Variants in PABPC4L observed in about 807,000 individuals in gnomAD.
PABPC4L encodes the protein polyadenylate-binding protein 4-like.
For synonymous variants in PABPC4L, 169 were observed against 164.1 expected (o/e 1.03, Z -0.23); for missense variants, 452 against 451.4 (o/e 1.00, Z -0.01).
the PABPC4L span, among the ~76,000 whole-genome samples, chr4:134,043,396 A>T: frequency 6.6e-6 from 1 of 152,204 alleles, no homozygotes; most frequent in Admixed American, 6.5e-5. Flanking sequence ...TATAGAAAGA[A>T]TAAGATATTT....
chr4:134,153,193 T>A, the PABPC4L span, among the ~76,000 whole-genome samples: 897 of 152,248 alleles, frequency 5.9e-3, 11 homozygotes, highest in African/African-American at 0.02. Context: ...TTGTCTCTAT[T>A]TTTTTAGTAC....
the PABPC4L span, among the ~76,000 whole-genome samples, chr4:134,009,423 T>C: frequency 6.6e-6 from 1 of 152,012 alleles, no homozygotes; most frequent in African/African-American, 2.4e-5. Flanking sequence ...GCACAACCTC[T>C]ATGGTCTATC....
At chr4:134,062,998 G>A in the PABPC4L span, among the ~76,000 whole-genome samples, 1 of 152,042 alleles carries the variant, frequency 6.6e-6, no homozygotes, top group African/African-American at 2.4e-5. Context: ...TGGAGTATGT[G>A]GTTTCAACCA....
chr4:134,131,909 T>C, the PABPC4L span, among the ~76,000 whole-genome samples: 1 of 151,616 alleles, frequency 6.6e-6, no homozygotes, highest in Non-Finnish European at 1.5e-5. Context: ...AGAAATAAAC[T>C]CAAATACCTA....
the PABPC4L span, among the ~76,000 whole-genome samples, chr4:134,185,104 G>T: frequency 6.6e-6 from 1 of 151,914 alleles, no homozygotes; most frequent in African/African-American, 2.4e-5. Context: ...TGTGTAACTT[G>T]TCTTCTCATT....
the PABPC4L span, among the ~76,000 whole-genome samples, chr4:134,012,911 C>T: frequency 6.6e-6 from 1 of 152,134 alleles, no homozygotes; most frequent in Non-Finnish European, 1.5e-5. Context: ...ACAAAGGAGA[C>T]ACGTTTTACC....
the PABPC4L span, among the ~76,000 whole-genome samples, chr4:133,968,433 A>G: frequency 6.6e-6 from 1 of 152,220 alleles, no homozygotes; most frequent in African/African-American, 2.4e-5. Flanking sequence ...ATTGGAGTAC[A>G]GAACAGAGAA....
chr4:134,161,665 TA>T, the PABPC4L span, among the ~76,000 whole-genome samples: 1 of 152,118 alleles, frequency 6.6e-6, no homozygotes, highest in Non-Finnish European at 1.5e-5. Context: ...CAAGAGATGC[TA>T]AAGAGAATTC....
the PABPC4L span, among the ~76,000 whole-genome samples, chr4:134,189,320 A>AT: frequency 0.67 from 101,394 of 151,728 alleles, 34,748 homozygotes; most frequent in East Asian, 1. Flanking sequence ...ATCTCTTCAA[A>AT]TTGCATTTTG....
At chr4:134,055,630 GT>G in the PABPC4L span, among the ~76,000 whole-genome samples, 6,646 of 117,314 alleles carry the variant, frequency 0.057, 175 homozygotes, top group Middle Eastern at 0.14. Flanking sequence ...GTTCCCCGTG[GT>G]TTTTTTTTTT....
chr4:134,062,360 C>A, the PABPC4L span, among the ~76,000 whole-genome samples: 1 of 152,070 alleles, frequency 6.6e-6, no homozygotes, highest in South Asian at 2.1e-4. Context: ...TGCATTTACT[C>A]TTTTCTAAAC....
chr4:134,015,535 C>T, the PABPC4L span, among the ~76,000 whole-genome samples: 2 of 152,170 alleles, frequency 1.3e-5, no homozygotes, highest in Non-Finnish European at 2.9e-5. Context: ...TGCTGCAAGG[C>T]TTCACAGACA....
At chr4:134,181,189 A>G in the PABPC4L span, among the ~76,000 whole-genome samples, 41 of 152,084 alleles carry the variant, frequency 2.7e-4, no homozygotes, top group African/African-American at 9.7e-4. Flanking sequence ...GTTAGGCTTT[A>G]TCCCAGTGAT....
the PABPC4L span, among the ~76,000 whole-genome samples, chr4:134,085,019 A>C: frequency 6.6e-6 from 1 of 152,130 alleles, no homozygotes; most frequent in Non-Finnish European, 1.5e-5. Flanking sequence ...ACACAGGAAC[A>C]GCAGAGGCCA....
the PABPC4L span, among the ~76,000 whole-genome samples, chr4:133,995,688 A>G: frequency 1.3e-5 from 2 of 152,010 alleles, no homozygotes; most frequent in Non-Finnish European, 2.9e-5. Context: ...GGGAAGCCAA[A>G]CTTAATTGTT....
At chr4:134,032,778 C>A in the PABPC4L span, among the ~76,000 whole-genome samples, 2 of 151,824 alleles carry the variant, frequency 1.3e-5, no homozygotes, top group East Asian at 3.9e-4. Context: ...AGATTTAAAT[C>A]TTTAATTATT....
rs950711417 is a variant in PABPC4L at position 134,198,228 on chromosome 4, T to G, written c.*1679A>C. ...CATTTGTAATATTATCCTATTTTTC[T>G]TAAATTACCTAGGTGTATATATGTA... On this transcript the variant is annotated 3_prime_UTR_variant, in exon 2 of 2. Transcript: ENST00000421491. The G allele has an allele frequency of 6.6e-6, 1 of 151,626 alleles. No individual in the cohort carries two copies. The highest frequency in any genetic ancestry group is 1.5e-5 in the Non-Finnish European group (1 of 67,658). 9.4% of individuals were successfully genotyped at this position (151,626 alleles called of 1,614,324 possible).
At chr4:133,959,750 C>T in the PABPC4L span, among the ~76,000 whole-genome samples, 27,001 of 152,116 alleles carry the variant, frequency 0.18, 3,037 homozygotes, top group Middle Eastern at 0.25. Context: ...TCTTAAATGA[C>T]AGTACTAAAA....
At chr4:134,022,787 T>G in the PABPC4L span, among the ~76,000 whole-genome samples, 1 of 152,036 alleles carries the variant, frequency 6.6e-6, no homozygotes, top group Non-Finnish European at 1.5e-5. Flanking sequence ...TCCCGGGGCA[T>G]GCACAGTGAC....
Sources: gnomAD v4.1 joint callset for allele counts (sites outside exome capture counted in the v4.1 genomes callset) on GRCh38, gnomAD v4.1.1 for gene constraint, MANE v1.5 for transcripts, NCBI Gene and HGNC (gene_info 2026-07-23, HGNC 2026-07-21) for gene names.